NOS1AP: variants seen among roughly 807,000 people sequenced by gnomAD.
NOS1AP encodes carboxyl-terminal PDZ ligand of neuronal nitric oxide synthase protein.
A neutral mutation model predicts 56.2 loss-of-function variants in NOS1AP; 21 were observed. That is an observed-to-expected ratio of 0.37 (90% CI 0.26 to 0.54). The LOEUF (loss-of-function observed/expected upper bound fraction) is 0.54, where lower values mean the gene tolerates loss of function less well. Ranked by LOEUF, NOS1AP falls within the 20% of genes least tolerant of loss-of-function variation. The pLI, the probability that NOS1AP is intolerant of heterozygous loss-of-function variation, is 0.84. For missense variants in NOS1AP, 522 were observed against 657.8 expected, an observed-to-expected ratio of 0.79 and a Z score of 2.26; for synonymous variants, 270 against 274.6, an observed-to-expected ratio of 0.98 and a Z score of 0.17.
intron 2 of NOS1AP, among the ~76,000 whole-genome samples, chr1:162,264,675 T>C (rs1392299735): frequency 6.7e-6 from 1 of 148,626 alleles, no homozygotes; most frequent in Non-Finnish European, 1.5e-5. Flanking sequence ...CCTGGCTAAT[T>C]TTTGAATTTT....
chr1:162,344,590 A>G (rs946234618), intron 6 of NOS1AP, among the ~76,000 whole-genome samples: 6 of 152,136 alleles, frequency 3.9e-5, no homozygotes, highest in Non-Finnish European at 1.5e-5. Flanking sequence ...ACACGCCTAT[A>G]GTCCCAGCTA....
chr1:162,324,252 A>G (rs1656509968), intron 4 of NOS1AP, among the ~76,000 whole-genome samples: 2 of 152,172 alleles, frequency 1.3e-5, no homozygotes, highest in Admixed American at 1.3e-4. Flanking sequence ...GATAACACAG[A>G]CACACAGAAG....
rs188154502 is a variant in NOS1AP at position 162,362,009 on chromosome 1, C to T, written c.940-3395C>T. The stretch of plus-strand genomic sequence containing the variant: ...ACTGTCTCAGCCTCAAGCCAGTCCT[C>T]TCGGTTGACAGATGGAGAAACTGAG... On this transcript the variant is annotated intron_variant, in intron 8 of 9. Transcript: ENST00000361897. Among the ~76,000 whole-genome samples, 643 of 152,314 alleles carry T rather than the reference C, an allele frequency of 4.2e-3. 6 individuals carry two copies. Among genetic ancestry groups the T allele is most frequent in the African/African-American group, 0.015 (620 of 41,554 alleles).
chr1:162,313,945 C>T (rs1656144143), intron 4 of NOS1AP, among the ~76,000 whole-genome samples: 1 of 152,118 alleles, frequency 6.6e-6, no homozygotes, highest in African/African-American at 2.4e-5. Flanking sequence ...GCATGAACTC[C>T]ATGAGGGTGG....
intron 3 of NOS1AP, among the ~76,000 whole-genome samples, chr1:162,289,897 T>C (rs1347873219): frequency 3.9e-5 from 6 of 152,218 alleles, no homozygotes; most frequent in Admixed American, 3.9e-4. Flanking sequence ...GTTTTGCCCT[T>C]AGAGCACAGT....
rs1368335883 is a variant in NOS1AP at position 162,294,222 on chromosome 1, A to AGGAAGGAAGGAAGGAAGGAAGGAG, written c.271-6406_271-6405insGAAGGAAGGAAGGAAGGAGGGAAG. Among the ~76,000 whole-genome samples, 120 of 147,730 alleles carry AGGAAGGAAGGAAGGAAGGAAGGAG rather than the reference A, an allele frequency of 8.1e-4. 6 individuals are homozygous for AGGAAGGAAGGAAGGAAGGAAGGAG. The highest frequency in any genetic ancestry group is 2.2e-3 in the African/African-American group (87 of 39,110). On this transcript the variant is annotated intron_variant, in intron 3 of 9. Coordinates refer to ENST00000361897, the MANE Select transcript of NOS1AP (RefSeq NM_014697.3). ...AAGGAAGGAAGGAAGGAAGGAAGGA[A>AGGAAGGAAGGAAGGAAGGAAGGAG]GGAAGAAAGAAAGGAAGGAAGGATA...
At chr1:162,359,936 A>C (rs1657843808) in intron 8 of NOS1AP, among the ~76,000 whole-genome samples, 2 of 152,140 alleles carry the variant, frequency 1.3e-5, no homozygotes, top group South Asian at 4.2e-4. Flanking sequence ...TCCTGGATAA[A>C]AATCTAAGGA....
chr1:162,309,870 G>C (rs1042880800), intron 4 of NOS1AP, among the ~76,000 whole-genome samples: 1 of 152,170 alleles, frequency 6.6e-6, no homozygotes, highest in Non-Finnish European at 1.5e-5. Context: ...GTAATTTTAA[G>C]CATTATTATT....
intron 2 of NOS1AP, among the ~76,000 whole-genome samples, chr1:162,264,872 G>A (rs1654369990): frequency 6.7e-6 from 1 of 149,700 alleles, no homozygotes; most frequent in South Asian, 2.1e-4. Context: ...GGAGTACAGG[G>A]GCACAATCTT....
chr1:162,264,444 T>TC (rs1304912043), intron 2 of NOS1AP, among the ~76,000 whole-genome samples: 53 of 10,398 alleles, frequency 5.1e-3, no homozygotes, highest in African/African-American at 0.013. Flanking sequence ...TCTTCTCTTC[T>TC]CTTCTCTTCT....
intron 2 of NOS1AP, among the ~76,000 whole-genome samples, chr1:162,205,150 C>T (rs1652118611): frequency 6.6e-6 from 1 of 152,142 alleles, no homozygotes; most frequent in Non-Finnish European, 1.5e-5. Context: ...GAAAAGAAGC[C>T]CTGTGAACCC....
intron 2 of NOS1AP, among the ~76,000 whole-genome samples, chr1:162,270,779 A>G (rs1458115880): frequency 6.6e-6 from 1 of 152,224 alleles, no homozygotes; most frequent in Non-Finnish European, 1.5e-5. Context: ...CCTTTTGTCA[A>G]AATATCACAT....
intron 2 of NOS1AP, among the ~76,000 whole-genome samples, chr1:162,257,394 A>T (rs1223744234): frequency 5.9e-5 from 9 of 152,228 alleles, no homozygotes; most frequent in Non-Finnish European, 2.9e-5. Context: ...CATGCCTGTA[A>T]TCCCAGCACT....
intron 1 of NOS1AP, among the ~76,000 whole-genome samples, chr1:162,118,797 A>G (rs1648076605): frequency 6.6e-6 from 1 of 152,126 alleles, no homozygotes; most frequent in African/African-American, 2.4e-5. Flanking sequence ...TGTGCAAGAG[A>G]TTGAGGTAGA....
chr1:162,138,485 A>T (rs1370185210), intron 1 of NOS1AP, among the ~76,000 whole-genome samples: 2 of 152,212 alleles, frequency 1.3e-5, no homozygotes, highest in Non-Finnish European at 2.9e-5. Flanking sequence ...CATAGCATTT[A>T]ATTTTATTCA....
At chr1:162,321,719 TAAAAAA>T (rs201941230) in intron 4 of NOS1AP, among the ~76,000 whole-genome samples, 7 of 137,878 alleles carry the variant, frequency 5.1e-5, no homozygotes, top group African/African-American at 1.4e-4. Flanking sequence ...AAAGTATAAT[TAAAAAA>T]AAAAAAATAT....
chr1:162,252,533 G>A (rs531461149), intron 2 of NOS1AP, among the ~76,000 whole-genome samples: 94 of 152,258 alleles, frequency 6.2e-4, no homozygotes, highest in Non-Finnish European at 1.0e-3. Flanking sequence ...CCCATTCTGT[G>A]CACTCTAATT....
At chr1:162,332,561 AAG>A (rs1656807136) in intron 4 of NOS1AP, among the ~76,000 whole-genome samples, 1 of 152,222 alleles carries the variant, frequency 6.6e-6, no homozygotes, top group African/African-American at 2.4e-5. Context: ...CAAAGGAACT[AAG>A]AGTATCTTAG....
chr1:162,137,752 G>A (rs556331985), intron 1 of NOS1AP, among the ~76,000 whole-genome samples: 3 of 152,080 alleles, frequency 2.0e-5, no homozygotes, highest in Admixed American at 6.5e-5. Flanking sequence ...ATGCACATGC[G>A]TACACACACA....
Sources: gnomAD v4.1 joint callset for allele counts (sites outside exome capture counted in the v4.1 genomes callset) on GRCh38, gnomAD v4.1.1 for gene constraint, MANE v1.5 for transcripts, NCBI Gene and HGNC (gene_info 2026-07-23, HGNC 2026-07-21) for gene names.